Variants in EPB41L4B observed in about 807,000 individuals in gnomAD.
EPB41L4B encodes the protein band 4.1-like protein 4B.
EPB41L4B carries 30 observed loss-of-function variants against 112.5 expected under a neutral mutation model. The observed-to-expected ratio is 0.27, with a 90% confidence interval of 0.20 to 0.36. The LOEUF (loss-of-function observed/expected upper bound fraction) is 0.36, where lower values mean the gene tolerates loss of function less well. Among genes scored for constraint, EPB41L4B ranks in the 10% least tolerant of loss-of-function variants. The pLI, the probability that EPB41L4B is intolerant of heterozygous loss-of-function variation, is 1.00. For synonymous variants in EPB41L4B, 408 were observed against 439.7 expected (o/e 0.93, Z 0.90); for missense variants, 1,024 against 1,133.3 (o/e 0.90, Z 1.38).
At chr9:109,188,948 TA>T (rs776938683) in intron 22 of EPB41L4B, among the ~76,000 whole-genome samples, 2 of 152,176 alleles carry the variant, frequency 1.3e-5, no homozygotes, top group African/African-American at 2.4e-5. Flanking sequence ...GCTAGCACGG[TA>T]GACTTGGAGT....
In EPB41L4B at chr9:109,243,585, C is replaced by A. The variant is rs372569338; in HGVS notation, c.1409+33G>T. Reference sequence around the variant, plus strand: ...ACTTTTCTAGAGAAAGGAAAGCTTTCGAAGGTGCAGCTCTGGAAGCACCAG... The same window carrying A: ...ACTTTTCTAGAGAAAGGAAAGCTTTAGAAGGTGCAGCTCTGGAAGCACCAG... On this transcript the variant is annotated intron_variant, in intron 15 of 25. Coordinates refer to ENST00000374566, the MANE Select transcript of EPB41L4B (RefSeq NM_019114.5). The A allele has an allele frequency of 2.5e-6, 4 of 1,608,152 alleles. No individual in the cohort carries two copies. In the African/African-American group the frequency reaches 4.0e-5, roughly 16 times the overall value.
chr9:109,186,510 T>C (rs886313101), intron 22 of EPB41L4B, among the ~76,000 whole-genome samples: 4 of 152,052 alleles, frequency 2.6e-5, no homozygotes, highest in African/African-American at 9.7e-5. Context: ...GGTCTTGCTC[T>C]GTCACCCAGG....
chr9:109,293,621 TG>T (rs1836618830), intron 1 of EPB41L4B, among the ~76,000 whole-genome samples: 1 of 150,170 alleles, frequency 6.7e-6, no homozygotes, highest in South Asian at 2.1e-4. Context: ...TGACCTCAGG[TG>T]ATCTACCTGT....
chr9:109,242,241 T>C (rs1035610967), intron 15 of EPB41L4B, among the ~76,000 whole-genome samples: 7 of 152,180 alleles, frequency 4.6e-5, no homozygotes, highest in African/African-American at 1.4e-4. Context: ...ACACAAAATG[T>C]TGGGCCCCAC....
At chr9:109,275,142 C>G (rs1010878890) in intron 2 of EPB41L4B, among the ~76,000 whole-genome samples, 7 of 152,198 alleles carry the variant, frequency 4.6e-5, no homozygotes, top group Non-Finnish European at 7.3e-5. Flanking sequence ...GATATCAATA[C>G]GCTTTGACAG....
chr9:109,275,465 A>T (rs999533244), intron 2 of EPB41L4B, among the ~76,000 whole-genome samples: 5 of 152,344 alleles, frequency 3.3e-5, no homozygotes, highest in Non-Finnish European at 7.4e-5. Context: ...CCATCTCAGC[A>T]GACTCTCCCA....
At chr9:109,203,877 T>G in intron 18 of EPB41L4B, 147 bp from the exon 19 acceptor site, 1 of 655,440 alleles carries the variant, frequency 1.5e-6, no homozygotes, top group Non-Finnish European at 2.7e-6. Context: ...TAGAGAATCT[T>G]GCACTGGTGT....
intron 15 of EPB41L4B, among the ~76,000 whole-genome samples, chr9:109,232,532 A>G (rs1033021005): frequency 6.6e-6 from 1 of 152,178 alleles, no homozygotes; most frequent in Admixed American, 6.5e-5. Context: ...ATTCTTTGTC[A>G]TCCTGTGCAC....
chr9:109,188,553 C>T (rs1327459250), intron 22 of EPB41L4B, among the ~76,000 whole-genome samples: 5 of 152,244 alleles, frequency 3.3e-5, no homozygotes, highest in Admixed American at 3.3e-4. Context: ...CTCCACCTCC[C>T]TGTGCCCTAG....
At chr9:109,257,887 C>T (rs1368982518) in intron 7 of EPB41L4B, among the ~76,000 whole-genome samples, 2 of 152,006 alleles carry the variant, frequency 1.3e-5, no homozygotes, top group South Asian at 2.1e-4. Flanking sequence ...CCCAGCTGCT[C>T]GGGAGGCTGA....
intron 24 of EPB41L4B, 122 bp downstream of exon 24, chr9:109,182,607 C>G (rs1272498188): frequency 5.6e-6 from 4 of 720,624 alleles, no homozygotes; most frequent in Non-Finnish European, 4.9e-6. Flanking sequence ...TTCTTCCCAA[C>G]CTCACAGAGT....
intron 15 of EPB41L4B, among the ~76,000 whole-genome samples, chr9:109,235,390 CTTTT>C (rs758330838): frequency 1.1e-5 from 1 of 87,246 alleles, no homozygotes. Flanking sequence ...TTCAGCTAGA[CTTTT>C]TTTTTTTTTT....
chr9:109,233,400 A>T (rs1286281961), intron 15 of EPB41L4B, among the ~76,000 whole-genome samples: 1 of 152,188 alleles, frequency 6.6e-6, no homozygotes, highest in African/African-American at 2.4e-5. Context: ...ACCCTCCCAA[A>T]CAGGAAAGGA....
rs1180940286 is a variant in EPB41L4B, at chr9:109,185,570, A to G, written c.2337T>C (p.Ser779=). Residue 779 remains serine, a synonymous_variant, in exon 23 of 26, where the codon TCT becomes TCC. Coordinates refer to ENST00000374566, the MANE Select transcript of EPB41L4B (RefSeq NM_019114.5). The stretch of plus-strand genomic sequence containing the variant: ...GGAGAGAGAGTGGAGGAGAACAGCG[A>G]GAGTGGGCACAGTGGGGGTTGCTGG... ...EPASNPHCAH[S]RCSPPLSLPM... The G allele has an allele frequency of 7.4e-6, 12 of 1,613,312 alleles. No individual in the cohort carries two copies. Among genetic ancestry groups the G allele is most frequent in the Non-Finnish European group, 9.3e-6 (11 of 1,179,644 alleles).
chr9:109,254,162 C>T (rs889850815), intron 11 of EPB41L4B, among the ~76,000 whole-genome samples: 2 of 152,230 alleles, frequency 1.3e-5, no homozygotes, highest in African/African-American at 4.8e-5. Context: ...TTCCTTCTTA[C>T]ACTTCCAGAG....
At chr9:109,279,469 A>C (rs1835953825) in intron 2 of EPB41L4B, among the ~76,000 whole-genome samples, 1 of 152,168 alleles carries the variant, frequency 6.6e-6, no homozygotes, top group Non-Finnish European at 1.5e-5. Flanking sequence ...CACCTGCCTC[A>C]GCCTCCCAAA....
rs912969311 is a variant in EPB41L4B at position 109,173,238 on chromosome 9, G to C, written c.*1316C>G. On this transcript the variant is annotated 3_prime_UTR_variant, in exon 26 of 26. Coordinates refer to ENST00000374566, the MANE Select transcript of EPB41L4B (RefSeq NM_019114.5). ...GTCGAGGGGATTCAAGCATTCAGAG[G>C]GGGTGGGGAGGCTAAACTAGATGAC... 1 of 152,570 alleles carries C rather than the reference G, an allele frequency of 6.6e-6. No homozygotes were observed. The highest frequency in any genetic ancestry group is 1.5e-5 in the Non-Finnish European group (1 of 68,040). The allele number at this position is 152,570 out of a possible 1,614,324, so 9.5% of individuals were successfully genotyped here. A position where few individuals can be genotyped will look rare whatever the true frequency, so the allele number is the denominator to read the frequency against.
chr9:109,255,433 T>C (rs1834940268), intron 11 of EPB41L4B, 78 bp downstream of exon 11: 4 of 1,547,266 alleles, frequency 2.6e-6, no homozygotes, highest in Admixed American at 1.8e-5. Flanking sequence ...AATCCACTAC[T>C]CTATTCGCAT....
At chr9:109,307,090 G>T in intron 1 of EPB41L4B, 2 of 199,960 alleles carry the variant, frequency 1.0e-5, no homozygotes, top group Non-Finnish European at 2.0e-5. Flanking sequence ...GTAAATGGAT[G>T]CAACTGTAAC....
Sources: gnomAD v4.1 joint callset for allele counts (sites outside exome capture counted in the v4.1 genomes callset) on GRCh38, gnomAD v4.1.1 for gene constraint, MANE v1.5 for transcripts, NCBI Gene and HGNC (gene_info 2026-07-23, HGNC 2026-07-21) for gene names.